Variants in OSBPL9 observed in about 807,000 individuals in gnomAD.
The protein encoded by OSBPL9 is oxysterol-binding protein-related protein 9.
Under a neutral mutation model 106.6 loss-of-function variants are expected in OSBPL9, and 40 were observed. The ratio of observed to expected loss-of-function variants is 0.38; its 90% confidence interval spans 0.29 to 0.49. OSBPL9 has a LOEUF of 0.49. OSBPL9 is among the 20% of genes least tolerant of loss of function. OSBPL9 has a pLI of 0.97. For synonymous variants in OSBPL9, 269 were observed against 295.4 expected, an observed-to-expected ratio of 0.91 and a Z score of 0.92; for missense variants, 609 against 887.2, an observed-to-expected ratio of 0.69 and a Z score of 3.98.
chr1:51,768,819 C>T (rs1673201427), intron 12 of OSBPL9, among the ~76,000 whole-genome samples: 1 of 152,206 alleles, frequency 6.6e-6, no homozygotes, highest in African/African-American at 2.4e-5. Context: ...CTTCTATGCT[C>T]TCCCAGTACC....
upstream of OSBPL9, among the ~76,000 whole-genome samples, chr1:51,616,531 C>T (rs1256890006): frequency 6.6e-6 from 1 of 152,240 alleles, no homozygotes; most frequent in Non-Finnish European, 1.5e-5. Flanking sequence ...TACCTTTTCA[C>T]TCAGGCCTTC....
intron 3 of OSBPL9, among the ~76,000 whole-genome samples, chr1:51,689,456 C>A (rs1443587382): frequency 6.6e-6 from 1 of 152,006 alleles, no homozygotes; most frequent in African/African-American, 2.4e-5. Context: ...AATCAATGGG[C>A]AGGTATTTTT....
At chr1:51,532,654 C>T in the OSBPL9 span, among the ~76,000 whole-genome samples, 4 of 151,998 alleles carry the variant, frequency 2.6e-5, no homozygotes, top group African/African-American at 9.7e-5. Context: ...TTCCCAAAGG[C>T]AGAGAGTAGG....
chr1:51,599,058 A>G (rs1645315660), intron 2 of OSBPL9, among the ~76,000 whole-genome samples: 1 of 152,002 alleles, frequency 6.6e-6, no homozygotes, highest in South Asian at 2.1e-4. Flanking sequence ...CTTTAATACT[A>G]GCAACTTAGC....
At chr1:51,518,529 C>G in the OSBPL9 span, 5 of 152,832 alleles carry the variant, frequency 3.3e-5, no homozygotes, top group Admixed American at 1.3e-4. Flanking sequence ...AGAAGGAAAC[C>G]TGATCAGGAG....
At chr1:51,687,949 G>A (rs1043111143) in intron 3 of OSBPL9, among the ~76,000 whole-genome samples, 1 of 152,216 alleles carries the variant, frequency 6.6e-6, no homozygotes, top group African/African-American at 2.4e-5. Flanking sequence ...TCTGGTGAGA[G>A]ATGGTGAAGG....
intron 4 of OSBPL9, among the ~76,000 whole-genome samples, chr1:51,727,466 C>G (rs1036796300): frequency 1.1e-4 from 17 of 152,142 alleles, no homozygotes; most frequent in African/African-American, 4.1e-4. Context: ...AGGATCCTCA[C>G]TTCGTTAAGC....
At chr1:51,661,419 G>GA (rs201894282) in intron 2 of OSBPL9, among the ~76,000 whole-genome samples, 330 of 151,904 alleles carry the variant, frequency 2.2e-3, no homozygotes, top group Middle Eastern at 6.8e-3. Flanking sequence ...TGTGTGTATA[G>GA]AAAAAAAACG....
chr1:51,530,510 G>C, the OSBPL9 span, among the ~76,000 whole-genome samples: 1 of 152,010 alleles, frequency 6.6e-6, no homozygotes, highest in African/African-American at 2.4e-5. Context: ...CCAGCACTTC[G>C]GGAGGCTGAG....
At chr1:51,583,617 G>A (rs1031331000) in intron 1 of OSBPL9, 1 of 152,190 alleles carries the variant, frequency 6.6e-6, no homozygotes, top group African/African-American at 2.4e-5. Context: ...ATTCGGTTCG[G>A]GCATCAGTCC....
At chr1:51,651,911 C>T in intron 1 of OSBPL9, 80 bp from the exon 2 acceptor site, 1 of 1,157,022 alleles carries the variant, frequency 8.6e-7, no homozygotes, top group Admixed American at 2.0e-5. Flanking sequence ...AAATCTTGTC[C>T]TTTTATCCCC....
At chr1:51,659,605 G>A (rs1647017529) in intron 2 of OSBPL9, among the ~76,000 whole-genome samples, 2 of 151,790 alleles carry the variant, frequency 1.3e-5, no homozygotes, top group Non-Finnish European at 1.5e-5. Flanking sequence ...CTGTGATTCT[G>A]TGAAAAAAGT....
At chr1:51,736,245 T>C (rs933131216) in intron 4 of OSBPL9, among the ~76,000 whole-genome samples, 2 of 152,236 alleles carry the variant, frequency 1.3e-5, no homozygotes, top group Non-Finnish European at 2.9e-5. Flanking sequence ...TAATTTTGTA[T>C]GCACTTTTTA....
intron 16 of OSBPL9, 71 bp downstream of exon 16, chr1:51,781,406 T>G: frequency 1.4e-6 from 2 of 1,416,164 alleles, no homozygotes; most frequent in Non-Finnish European, 2.0e-6. Context: ...TAGGGGCAAA[T>G]AATAATGATG....
chr1:51,626,155 C>T (rs1408146069), intron 1 of OSBPL9, among the ~76,000 whole-genome samples: 1 of 152,162 alleles, frequency 6.6e-6, no homozygotes, highest in Non-Finnish European at 1.5e-5. Context: ...TTCTTTCCTC[C>T]ATCACTCATA....
At chr1:51,712,215 G>C (rs550587877) in intron 3 of OSBPL9, among the ~76,000 whole-genome samples, 1 of 152,198 alleles carries the variant, frequency 6.6e-6, no homozygotes, top group Non-Finnish European at 1.5e-5. Context: ...GCTGGAGACC[G>C]GCCCGGCCAA....
In OSBPL9 at chr1:51,721,319, T is replaced by C. The variant is rs373978557; in HGVS notation, c.318+7240T>C. Among the ~76,000 whole-genome samples the C allele has an allele frequency of 4.7e-4, 71 of 152,234 alleles. 3 individuals are homozygous for C. The South Asian group carries it at 0.012, about 25-fold the overall frequency. ...TGAGTCTGTGAGTAAAACATCATTA[T>C]ATGAAAAGGAGATGTGGTTTTAGGG... On this transcript the variant is annotated intron_variant, in intron 4 of 23. Coordinates refer to ENST00000428468, the MANE Select transcript of OSBPL9 (RefSeq NM_024586.6).
intron 3 of OSBPL9, among the ~76,000 whole-genome samples, chr1:51,685,083 A>G (rs1051661152): frequency 1.8e-4 from 28 of 151,988 alleles, no homozygotes; most frequent in African/African-American, 6.8e-4. Flanking sequence ...CCAGTACTCA[A>G]TTTATTCCCT....
At chr1:51,659,129 C>CTT (rs1646989026) in intron 2 of OSBPL9, among the ~76,000 whole-genome samples, 1 of 151,804 alleles carries the variant, frequency 6.6e-6, no homozygotes, top group African/African-American at 2.4e-5. Flanking sequence ...AAGTGCTAAC[C>CTT]ATAAGAAAGC....
Sources: gnomAD v4.1 joint callset for allele counts (sites outside exome capture counted in the v4.1 genomes callset) on GRCh38, gnomAD v4.1.1 for gene constraint, MANE v1.5 for transcripts, NCBI Gene and HGNC (gene_info 2026-07-23, HGNC 2026-07-21) for gene names.